Variants in GRB10 observed in about 807,000 individuals in gnomAD.
The protein encoded by GRB10 is growth factor receptor bound protein 10.
Under a neutral mutation model 80.9 loss-of-function variants are expected in GRB10, and 20 were observed. The ratio of observed to expected loss-of-function variants is 0.25; its 90% CI spans 0.17 to 0.36. The LOEUF (loss-of-function observed/expected upper bound fraction) is 0.36, where lower values mean the gene tolerates loss of function less well. Among genes scored for constraint, GRB10 ranks in the 10% least tolerant of loss-of-function variants. The pLI is 1.00. For synonymous variants in GRB10, 291 were observed against 291.5 expected, an observed-to-expected ratio of 1.00 and a Z score of 0.02; for missense variants, 548 against 747.7, an observed-to-expected ratio of 0.73 and a Z score of 3.12.
intron 7 of GRB10, 127 bp downstream of exon 7, chr7:50,669,595 A>T: frequency 1.1e-6 from 1 of 905,944 alleles, no homozygotes; most frequent in South Asian, 1.4e-5. Flanking sequence ...ACAACAAGAA[A>T]AGAACTGAGA....
chr7:50,671,498 C>T (rs958767866), intron 6 of GRB10, among the ~76,000 whole-genome samples: 8 of 152,216 alleles, frequency 5.3e-5, no homozygotes, highest in Non-Finnish European at 1.2e-4. Context: ...CGAGAACTCA[C>T]ATGGCATGAA....
At chr7:50,756,547 CAT>C (rs1408838324) in intron 2 of GRB10, among the ~76,000 whole-genome samples, 1 of 152,224 alleles carries the variant, frequency 6.6e-6, no homozygotes. Flanking sequence ...GCATGGAGCA[CAT>C]GTGTTCCACG....
At chr7:50,696,561 C>T (rs1274658337) in intron 5 of GRB10, among the ~76,000 whole-genome samples, 1 of 152,224 alleles carries the variant, frequency 6.6e-6, no homozygotes. Flanking sequence ...AGAGTCAACT[C>T]TATCTGCTTT....
intron 7 of GRB10, among the ~76,000 whole-genome samples, chr7:50,644,605 A>T (rs948128930): frequency 6.6e-6 from 1 of 152,178 alleles, no homozygotes; most frequent in African/African-American, 2.4e-5. Context: ...CTCACCTGAG[A>T]CCATCAGTAA....
chr7:50,753,768 T>C (rs190727907), intron 3 of GRB10, among the ~76,000 whole-genome samples: 1 of 152,316 alleles, frequency 6.6e-6, no homozygotes, highest in East Asian at 1.9e-4. Context: ...TTCAATGCCA[T>C]GTCCATGCCA....
intron 3 of GRB10, among the ~76,000 whole-genome samples, chr7:50,744,168 C>T (rs1276398715): frequency 6.6e-6 from 1 of 152,086 alleles, no homozygotes; most frequent in Non-Finnish European, 1.5e-5. Context: ...CTGCCTCAAT[C>T]GTAGAGATTA....
At chr7:50,792,355 C>A in intron 1 of GRB10, 1 of 396,392 alleles carries the variant, frequency 2.5e-6, no homozygotes, top group South Asian at 1.3e-4. Flanking sequence ...CTTACATTAC[C>A]CAACGTTTCG....
At chr7:50,633,721 C>CAACAACAAT (rs1323509875) in intron 7 of GRB10, among the ~76,000 whole-genome samples, 2 of 151,662 alleles carry the variant, frequency 1.3e-5, no homozygotes. Flanking sequence ...ACAACAACAA[C>CAACAACAAT]AACTTTTGGA....
At chr7:50,733,064 T>C (rs1424257377) in intron 3 of GRB10, among the ~76,000 whole-genome samples, 1 of 152,168 alleles carries the variant, frequency 6.6e-6, no homozygotes, top group East Asian at 1.9e-4. Flanking sequence ...AATGTGACTG[T>C]ATTTGGAAGG....
At chr7:50,780,088 G>A (rs193209766) in intron 2 of GRB10, among the ~76,000 whole-genome samples, 95 of 152,306 alleles carry the variant, frequency 6.2e-4, no homozygotes, top group Middle Eastern at 3.4e-3. Context: ...ACCTCTGCCG[G>A]CCGTGAGAGG....
chr7:50,596,289 T>C (rs2046632268), intron 17 of GRB10, among the ~76,000 whole-genome samples: 1 of 152,194 alleles, frequency 6.6e-6, no homozygotes, highest in Non-Finnish European at 1.5e-5. Flanking sequence ...TCATCAAGTG[T>C]CTAAATTACC....
At chr7:50,730,898 G>A (rs1587609278) in intron 4 of GRB10, among the ~76,000 whole-genome samples, 1 of 152,178 alleles carries the variant, frequency 6.6e-6, no homozygotes, top group Non-Finnish European at 1.5e-5. Context: ...CTTTCCCTTG[G>A]GGATGTTCTT....
intron 7 of GRB10, among the ~76,000 whole-genome samples, chr7:50,636,128 C>T (rs543862382): frequency 5.3e-5 from 8 of 151,946 alleles, no homozygotes; most frequent in Non-Finnish European, 1.2e-4. Context: ...CAGGCACGTG[C>T]CACCACACCT....
chr7:50,730,961 G>C (rs780153049), intron 4 of GRB10, among the ~76,000 whole-genome samples: 1 of 152,218 alleles, frequency 6.6e-6, no homozygotes, highest in Non-Finnish European at 1.5e-5. Context: ...GCAGGCAGGG[G>C]TGAAGGGTGC....
chr7:50,666,655 A>T (rs1563354885), intron 7 of GRB10, among the ~76,000 whole-genome samples: 1 of 152,146 alleles, frequency 6.6e-6, no homozygotes, highest in Non-Finnish European at 1.5e-5. Context: ...GGTCCACATC[A>T]TGGTAGTTGC....
chr7:50,609,506 T>A (rs1021549727), intron 13 of GRB10, among the ~76,000 whole-genome samples: 1 of 152,264 alleles, frequency 6.6e-6, no homozygotes, highest in African/African-American at 2.4e-5. Context: ...TGTTTGCATG[T>A]ATATATTTAC....
At chr7:50,750,322 A>C (rs1333973973) in intron 3 of GRB10, among the ~76,000 whole-genome samples, 1 of 152,136 alleles carries the variant, frequency 6.6e-6, no homozygotes, top group Admixed American at 6.5e-5. Context: ...TGCTCTCACC[A>C]CTCATATATA....
chr7:50,761,028 C>T (rs2075706905), intron 2 of GRB10, among the ~76,000 whole-genome samples: 1 of 152,214 alleles, frequency 6.6e-6, no homozygotes, highest in Non-Finnish European at 1.5e-5. Context: ...AGACACAAAA[C>T]ACAACATGCA....
intron 4 of GRB10, among the ~76,000 whole-genome samples, chr7:50,719,017 C>G (rs1457655841): frequency 6.6e-6 from 1 of 152,216 alleles, no homozygotes; most frequent in Non-Finnish European, 1.5e-5. Flanking sequence ...CAAGCAATTA[C>G]TCTATGCCCA....
Sources: gnomAD v4.1 joint callset for allele counts (sites outside exome capture counted in the v4.1 genomes callset) on GRCh38, gnomAD v4.1.1 for gene constraint, MANE v1.5 for transcripts, NCBI Gene and HGNC (gene_info 2026-07-23, HGNC 2026-07-21) for gene names.